The following SMAD4 variants were observed in gnomAD, a reference collection of about 807,000 sequenced individuals.
SMAD4 encodes the protein SMAD family member 4.
Under a neutral mutation model 63.2 loss-of-function variants are expected in SMAD4, and 7 were observed. That is an observed-to-expected ratio of 0.11 (90% CI 0.06 to 0.21). The LOEUF (loss-of-function observed/expected upper bound fraction) is 0.21. Among genes scored for constraint, SMAD4 ranks in the 10% least tolerant of loss-of-function variants. SMAD4 has a pLI of 1.00. For missense variants in SMAD4, 312 were observed against 693.8 expected (o/e 0.45, Z 6.18); for synonymous variants, 215 against 235.4 (o/e 0.91, Z 0.79).
In SMAD4 at chr18:51,045,737, T is replaced by C. The variant is rs568852703; in HGVS notation, c.-127-1183T>C. ...TGCAACCATCACCATTATCAATTTT[T>C]AGGACTTTTTCATTATAACAAAGAA... is the stretch of plus-strand genomic sequence containing the variant. On this transcript the variant is annotated intron_variant, in intron 1 of 11. Coordinates refer to ENST00000342988, the MANE Select transcript of SMAD4 (RefSeq NM_005359.6). Among the ~76,000 whole-genome samples the C allele has an allele frequency of 3.9e-5, 6 of 152,242 alleles. No individual in the cohort carries two copies. In the East Asian group the frequency reaches 1.2e-3, roughly 29 times the overall value.
chr18:51,054,451 A>G (rs1909787592), intron 4 of SMAD4: 1 of 298,214 alleles, frequency 3.4e-6, no homozygotes, highest in Non-Finnish European at 6.4e-6. Flanking sequence ...TGCCTGCCTT[A>G]TGTATTTAGG....
chr18:51,063,142 G>A (rs896967973), intron 8 of SMAD4, among the ~76,000 whole-genome samples: 18 of 151,520 alleles, frequency 1.2e-4, no homozygotes, highest in African/African-American at 3.9e-4. Flanking sequence ...GTGATCTACC[G>A]TGCCTGGCCC....
chr18:51,073,361 T>TTTTATATA (rs1555687088), intron 10 of SMAD4, among the ~76,000 whole-genome samples: 1 of 22,220 alleles, frequency 4.5e-5, no homozygotes, highest in African/African-American at 1.9e-4. Flanking sequence ...CCAGATAACA[T>TTTTATATA]TATATATATA....
At chr18:51,032,693 A>G (rs1002043360) in intron 1 of SMAD4, among the ~76,000 whole-genome samples, 2 of 151,918 alleles carry the variant, frequency 1.3e-5, no homozygotes, top group Non-Finnish European at 2.9e-5. Context: ...TTTTTTTCTG[A>G]TTGAGCCAGT....
At chr18:51,056,931 A>C (rs1238894524) in intron 5 of SMAD4, among the ~76,000 whole-genome samples, 1 of 152,176 alleles carries the variant, frequency 6.6e-6, no homozygotes, top group Non-Finnish European at 1.5e-5. Flanking sequence ...GTTAGCTAAG[A>C]GTATTGCCTG....
At chr18:51,062,026 G>A (rs910167394) in intron 8 of SMAD4, among the ~76,000 whole-genome samples, 1 of 152,194 alleles carries the variant, frequency 6.6e-6, no homozygotes, top group African/African-American at 2.4e-5. Flanking sequence ...GTGAGAACCA[G>A]GGTTACTGTG....
chr18:51,051,711 G>A (rs1909718399), intron 4 of SMAD4, among the ~76,000 whole-genome samples: 1 of 152,112 alleles, frequency 6.6e-6, no homozygotes, highest in African/African-American at 2.4e-5. Context: ...TGTCCTGGTT[G>A]CTGGTGATGA....
chr18:51,052,679 G>A, intron 4 of SMAD4: 1 of 275,710 alleles, frequency 3.6e-6, no homozygotes, highest in Non-Finnish European at 7.4e-6. Flanking sequence ...AAGGTATACA[G>A]TGAAAAGAAG....
Position 51,054,968 on chromosome 18 carries a change from T to C in SMAD4, c.642T>C (p.Phe214=), listed in dbSNP as rs1281575334. ...CTAATGCTACCAGCACTGCCAACTT[T>C]CCCAACATTCCTGTGGCTTCCACAA... The part of the protein sequence containing the change: ...SESNATSTAN[F]PNIPVASTSQ... The change falls in exon 5 of 12, where the codon TTT becomes TTC. Residue 214 remains phenylalanine (F), a synonymous_variant. Coordinates refer to ENST00000342988, the MANE Select transcript of SMAD4 (RefSeq NM_005359.6). 6.2e-7 allele frequency: 1 copy of C among 1,613,930 alleles called. No individual in the cohort carries two copies. The highest frequency in any genetic ancestry group is 8.5e-7 in the Non-Finnish European group (1 of 1,179,918).
At chr18:51,066,878 C>T in intron 9 of SMAD4, 141 bp from the exon 10 acceptor site, 1 of 671,358 alleles carries the variant, frequency 1.5e-6, no homozygotes, top group East Asian at 2.8e-5. Context: ...AGGAAATATA[C>T]AAAAATGTTA....
rs1290969012 is a variant in SMAD4 at position 51,084,421 on chromosome 18, CT to C, written c.*5955del. On this transcript the variant is annotated 3_prime_UTR_variant, in exon 12 of 12. Transcript: ENST00000342988. The stretch of plus-strand genomic sequence containing the variant: ...TGACTTTTGGCTGGATCATTCAGAG[CT>C]CTCTTCTAGCCTACCCTTGGATGAG... The C allele has an allele frequency of 4.4e-6, 1 of 224,998 alleles. No individual in the cohort carries two copies. The highest frequency in any genetic ancestry group is 5.7e-5 in the Admixed American group (1 of 17,428). The allele number at this position is 224,998 out of a possible 1,614,324, so 13.9% of individuals were successfully genotyped here. A position where few individuals can be genotyped will look rare whatever the true frequency, so the allele number is the denominator to read the frequency against.
At chr18:51,044,520 G>C (rs796353321) in intron 1 of SMAD4, among the ~76,000 whole-genome samples, 1 of 152,036 alleles carries the variant, frequency 6.6e-6, no homozygotes, top group Non-Finnish European at 1.5e-5. Flanking sequence ...AGCTCCCCGC[G>C]TAGCTAGGAC....
At chr18:51,058,268 T>C (rs771219866) in intron 6 of SMAD4, 24 bp downstream of exon 6, 1 of 1,611,128 alleles carries the variant, frequency 6.2e-7, no homozygotes, top group Admixed American at 1.7e-5. Flanking sequence ...TTAAAAAATC[T>C]TTTAAATAGT....
intron 1 of SMAD4, among the ~76,000 whole-genome samples, chr18:51,038,951 A>G (rs1357243064): frequency 6.6e-6 from 1 of 152,194 alleles, no homozygotes; most frequent in Non-Finnish European, 1.5e-5. Flanking sequence ...TACTAAACAT[A>G]CAAAAATTAG....
chr18:51,066,889 A>G lies in SMAD4; in HGVS notation c.1140-130A>G, dbSNP rs1360241468. On this transcript the variant is annotated intron_variant, in intron 9 of 11. Transcript: ENST00000342988. ...AAAAAGGAAATATACAAAAATGTTA[A>G]TAGCTATCTTTTGGTTTTATGTGAT... The G allele has an allele frequency of 1.0e-5, 7 of 702,132 alleles. No homozygotes were observed. The East Asian group carries it at 1.4e-4, about 14-fold the overall frequency. 43.5% of individuals were successfully genotyped at this position (702,132 alleles called of 1,614,324 possible).
At chr18:51,036,719 C>T (rs931423839) in intron 1 of SMAD4, among the ~76,000 whole-genome samples, 1 of 152,080 alleles carries the variant, frequency 6.6e-6, no homozygotes, top group African/African-American at 2.4e-5. Context: ...ACTAACAGTA[C>T]CTCAGACTTC....
In SMAD4 at chr18:51,079,103, A is replaced by AC. The variant is rs1910543748; in HGVS notation, c.*637dup. The AC allele has an allele frequency of 4.3e-6, 1 of 232,934 alleles. No individual in the cohort carries two copies. 14.4% of individuals were successfully genotyped at this position (232,934 alleles called of 1,614,324 possible). A position where few individuals can be genotyped will look rare whatever the true frequency, so the allele number is the denominator to read the frequency against. On this transcript the variant is annotated 3_prime_UTR_variant, in exon 12 of 12. Transcript: ENST00000342988. ...AGTTTTATTTTTGCCAAGGCAAAAAACTCTTAATCTGTGTGTATATTGAGA... is the reference window on the plus strand; with the variant it reads ...AGTTTTATTTTTGCCAAGGCAAAAAACCTCTTAATCTGTGTGTATATTGAGA...
intron 9 of SMAD4, among the ~76,000 whole-genome samples, chr18:51,066,168 A>G (rs1251159374): frequency 6.6e-6 from 1 of 152,006 alleles, no homozygotes; most frequent in African/African-American, 2.4e-5. Context: ...CCTGGCCAAC[A>G]TGGTGAAACC....
At chr18:51,061,168 T>C (rs949356214) in intron 8 of SMAD4, among the ~76,000 whole-genome samples, 3 of 152,228 alleles carry the variant, frequency 2.0e-5, no homozygotes, top group African/African-American at 7.2e-5. Flanking sequence ...AATCACATCA[T>C]GGAAGATGGG....
Sources: allele counts gnomAD v4.1 joint callset (sites outside exome capture counted in the v4.1 genomes callset), GRCh38; gene constraint gnomAD v4.1.1; transcripts MANE v1.5; gene names NCBI Gene and HGNC (gene_info 2026-07-23, HGNC 2026-07-21).